Variants in AMACR observed in about 807,000 individuals in gnomAD.
AMACR encodes 2-methylacyl-CoA racemase.
AMACR carries 18 observed loss-of-function variants against 22.2 expected under a neutral mutation model. The ratio of observed to expected loss-of-function variants is 0.81; its 90% CI spans 0.56 to 1.20. AMACR has a LOEUF of 1.20. AMACR is among the 50% of genes most tolerant of loss of function. The pLI is 0.00. For missense variants in AMACR, 499 were observed against 490.6 expected, an observed-to-expected ratio of 1.02 and a Z score of -0.16; for synonymous variants, 213 against 191.3, an observed-to-expected ratio of 1.11 and a Z score of -0.94.
chr5:34,004,524 A>C, intron 3 of AMACR, 50 bp downstream of exon 3: 1 of 1,610,150 alleles, frequency 6.2e-7, no homozygotes, highest in Non-Finnish European at 8.5e-7. Flanking sequence ...AAGCAGCTAT[A>C]TCTTAAACTT....
At position 34,005,811 on chromosome 5, in the gene AMACR, C is replaced by A. The variant is rs1753955092; in HGVS notation, c.336G>T (p.Gln112His). 1.2e-6 allele frequency: 2 copies of A among 1,614,026 alleles called. No individual in the cohort carries two copies. Among genetic ancestry groups the A allele is most frequent in the East Asian group, 4.5e-5 (2 of 44,890 alleles). Reference sequence around the variant, plus strand: ...CAGCTAACCGGCAGAAGCTTCCTGACTGGCCAAATCCACTCAGCCTGGCAT... The same window carrying A: ...CAGCTAACCGGCAGAAGCTTCCTGAATGGCCAAATCCACTCAGCCTGGCAT... ...LIYARLSGFG[Q>H]SGSFCRLAGH... Residue 112 changes from glutamine (Q) to histidine (H), a missense_variant, in exon 2 of 5, where the codon CAG becomes CAT. Transcript: ENST00000335606.
chr5:33,999,796 C>T (rs3932207), intron 3 of AMACR, among the ~76,000 whole-genome samples: 1 of 152,136 alleles, frequency 6.6e-6, no homozygotes, highest in East Asian at 1.9e-4. Flanking sequence ...AAATTTCACG[C>T]ACATCTGAAT....
At chr5:33,996,159 G>T in intron 4 of AMACR, among the ~76,000 whole-genome samples, 1 of 148,880 alleles carries the variant, frequency 6.7e-6, no homozygotes, top group Non-Finnish European at 1.5e-5. Flanking sequence ...CTAAATTGTT[G>T]ATTTAATAAA....
At chr5:34,004,816 A>G in intron 2 of AMACR, 82 bp from the exon 3 acceptor site, 3 of 1,466,246 alleles carry the variant, frequency 2.0e-6, no homozygotes, top group Non-Finnish European at 2.8e-6. Flanking sequence ...TTAGAGGAAT[A>G]ATCAATCTCT....
At chr5:34,004,303 C>T (rs1242155108) in intron 3 of AMACR, among the ~76,000 whole-genome samples, 1 of 152,182 alleles carries the variant, frequency 6.6e-6, no homozygotes, top group Non-Finnish European at 1.5e-5. Flanking sequence ...CCTGCAATTA[C>T]TTTTGCACCA....
At chr5:34,007,223 C>A (rs537852269) in intron 1 of AMACR, among the ~76,000 whole-genome samples, 3 of 152,318 alleles carry the variant, frequency 2.0e-5, no homozygotes, top group African/African-American at 7.2e-5. Flanking sequence ...CCAGCGTCTG[C>A]CGCTCTGAAA....
Position 33,988,341 on chromosome 5 carries a change from G to A in AMACR, c.*752C>T, listed in dbSNP as rs1361111581. 8 of 1,541,802 alleles carry A rather than the reference G, an allele frequency of 5.2e-6. No homozygotes were observed. The highest frequency in any genetic ancestry group is 7.0e-6 in the Non-Finnish European group (8 of 1,149,304). ...GGATGTTGCTGTGTGTTGGGTATAA[G>A]ATCCAGAACTTGCTACCAGCCTGAG... On this transcript the variant is annotated 3_prime_UTR_variant, in exon 5 of 5. Coordinates refer to ENST00000335606, the MANE Select transcript of AMACR (RefSeq NM_014324.6).
rs117059711 is a variant in AMACR at position 33,988,022 on chromosome 5, C to A, written c.*1071G>T. 8.1e-6 allele frequency: 2 copies of A among 245,854 alleles called. No homozygotes were observed. The highest frequency in any genetic ancestry group is 1.5e-5 in the Non-Finnish European group (2 of 129,766). The allele number at this position is 245,854 out of a possible 1,614,324, so 15.2% of individuals were successfully genotyped here. On this transcript the variant is annotated 3_prime_UTR_variant, in exon 5 of 5. Transcript: ENST00000335606. ...AGAAACCTGCTCCACCTTCCTCTTG[C>A]GATTGTTGAACGGCAGTTGAGATAC... is the stretch of plus-strand genomic sequence containing the variant.
At chr5:33,998,911 A>G (rs138495595) in intron 3 of AMACR, 84 bp from the exon 4 acceptor site, 971 of 1,357,868 alleles carry the variant, frequency 7.2e-4, no homozygotes, top group Non-Finnish European at 9.8e-4. Flanking sequence ...GTTAAAAAAA[A>G]TTTGCGTAAA....
In AMACR at chr5:34,007,805, C is replaced by T; in HGVS notation, c.215G>A (p.Arg72Gln). 6.4e-7 allele frequency: 1 copy of T among 1,573,964 alleles called. No homozygotes were observed. The highest frequency in any genetic ancestry group is 8.6e-7 in the Non-Finnish European group (1 of 1,164,558). Residue 72 changes from arginine (R) to glutamine (Q), a missense_variant, in exon 1 of 5, where the codon CGG (arginine) becomes CAG (glutamine). Coordinates refer to ENST00000335606, the MANE Select transcript of AMACR (RefSeq NM_014324.6). Reference sequence around the variant, plus strand: ...GAAGGGCTCCAGCAGCACATCCGACCGCTTGCACAGACGCCGCAGCACGGC... The same window carrying T: ...GAAGGGCTCCAGCAGCACATCCGACTGCTTGCACAGACGCCGCAGCACGGC... ...GAAVLRRLCK[R>Q]SDVLLEPFRR...
Position 33,988,898 on chromosome 5 carries a change from T to C in AMACR, c.*195A>G. The C allele has an allele frequency of 7.1e-7, 1 of 1,411,374 alleles. No homozygotes were observed. Among genetic ancestry groups the C allele is most frequent in the Non-Finnish European group, 9.2e-7 (1 of 1,088,396 alleles). The allele number at this position is 1,411,374 out of a possible 1,614,324, so 87.4% of individuals were successfully genotyped here. A position where few individuals can be genotyped will look rare whatever the true frequency, so the allele number is the denominator to read the frequency against. On this transcript the variant is annotated 3_prime_UTR_variant, in exon 5 of 5. Coordinates refer to ENST00000335606, the MANE Select transcript of AMACR (RefSeq NM_014324.6). ...TTTAGTATAAGTACCCAAAGTTTTA[T>C]AAATCAAAAGCCCTAATGATAACCA...
intron 2 of AMACR, 62 bp from the exon 3 acceptor site, chr5:34,004,796 T>C (rs1753923744): frequency 6.5e-7 from 1 of 1,541,810 alleles, no homozygotes; most frequent in Non-Finnish European, 8.9e-7. Flanking sequence ...AAAATAAATA[T>C]GTGAGCATCT....
At chr5:34,005,637 T>C (rs1753948612) in intron 2 of AMACR, 119 bp downstream of exon 2, 1 of 1,275,412 alleles carries the variant, frequency 7.8e-7, no homozygotes, top group Non-Finnish European at 1.1e-6. Flanking sequence ...ACCCATGCTC[T>C]CTTGATTGAT....
intron 4 of AMACR, chr5:33,994,204 G>C: frequency 2.7e-6 from 1 of 372,486 alleles, no homozygotes; most frequent in Non-Finnish European, 5.5e-6. Flanking sequence ...TTTTGAGACA[G>C]AGTCTCGCTC....
At position 33,988,942 on chromosome 5, in the gene AMACR, C is replaced by T; in HGVS notation, c.*151G>A. ...ATAACCATTTTTAGAATTCAATCAT[C>T]ACTGTAGAATCAGAGTCTGTAATTC... On this transcript the variant is annotated 3_prime_UTR_variant, in exon 5 of 5. Transcript: ENST00000335606. The T allele has an allele frequency of 6.8e-7, 1 of 1,467,822 alleles. No homozygotes were observed. Among genetic ancestry groups the T allele is most frequent in the South Asian group, 1.4e-5 (1 of 70,296 alleles). 90.9% of individuals were successfully genotyped at this position (1,467,822 alleles called of 1,614,324 possible).
intron 4 of AMACR, chr5:33,994,053 C>T (rs1753564615): frequency 4.4e-6 from 2 of 455,812 alleles, no homozygotes; most frequent in South Asian, 3.1e-5. Context: ...AGAGTATGCA[C>T]CTTAAAAAGA....
Position 33,988,486 on chromosome 5 carries a change from T to G in AMACR, c.*607A>C. On this transcript the variant is annotated 3_prime_UTR_variant, in exon 5 of 5. Transcript: ENST00000335606. ...GACTGTCCCTCTGGACTCTACGTAG[T>G]GAGCCAACACATTTCCTCATTATTT... 6.8e-7 allele frequency: 1 copy of G among 1,463,790 alleles called. No homozygotes were observed. The highest frequency in any genetic ancestry group is 9.0e-7 in the Non-Finnish European group (1 of 1,111,124). 90.7% of individuals were successfully genotyped at this position (1,463,790 alleles called of 1,614,324 possible). A position where few individuals can be genotyped will look rare whatever the true frequency, so the allele number is the denominator to read the frequency against.
chr5:34,007,917 C>CCACGCGTACCA lies in AMACR; in HGVS notation c.92_102dup (p.Asp35TrpfsTer13). On this transcript the variant is annotated frameshift_variant, in exon 1 of 5. Coordinates refer to ENST00000335606, the MANE Select transcript of AMACR (RefSeq NM_014324.6). LOFTEE classifies it high-confidence loss of function. ...ACGTCGTAGCGGGAGCCGGGCCGGT[C>CCACGCGTACCA]CACGCGTACCACACGCGCCCCGAAG... is the stretch of plus-strand genomic sequence containing the variant. 6.2e-7 allele frequency: 1 copy of CCACGCGTACCA among 1,608,182 alleles called. No individual in the cohort carries two copies. The highest frequency in any genetic ancestry group is 8.5e-7 in the Non-Finnish European group (1 of 1,178,846).
At chr5:33,998,609 G>A (rs1442580642) in intron 4 of AMACR, 32 bp downstream of exon 4, 8 of 1,562,708 alleles carry the variant, frequency 5.1e-6, no homozygotes, top group Admixed American at 3.9e-5. Flanking sequence ...CAGCAAAAGG[G>A]GAACTGGGGG....
Sources: gnomAD v4.1 joint callset for allele counts (sites outside exome capture counted in the v4.1 genomes callset) on GRCh38, gnomAD v4.1.1 for gene constraint, MANE v1.5 for transcripts, NCBI Gene and HGNC (gene_info 2026-07-23, HGNC 2026-07-21) for gene names.